The following RABGAP1L variants were observed in gnomAD, a reference collection of about 807,000 sequenced individuals.
The protein encoded by RABGAP1L is rab GTPase-activating protein 1-like.
RABGAP1L carries 63 observed loss-of-function variants against 137.7 expected under a neutral mutation model. The observed-to-expected ratio is 0.46, with a 90% CI of 0.37 to 0.56. The LOEUF (loss-of-function observed/expected upper bound fraction) is 0.56. Among genes scored for constraint, RABGAP1L ranks in the 20% least tolerant of loss-of-function variants. The pLI, the probability that RABGAP1L is intolerant of heterozygous loss-of-function variation, is 0.00. For missense variants in RABGAP1L, 1,095 were observed against 1,244.0 expected, an observed-to-expected ratio of 0.88 and a Z score of 1.80; for synonymous variants, 431 against 433.7, an observed-to-expected ratio of 0.99 and a Z score of 0.08.
At chr1:174,171,133 A>G (rs1665350067) in intron 1 of RABGAP1L, among the ~76,000 whole-genome samples, 1 of 152,212 alleles carries the variant, frequency 6.6e-6, no homozygotes, top group Admixed American at 6.5e-5. Context: ...TGAGGAGTAT[A>G]TGTAAATAAC....
chr1:174,518,287 A>C (rs182738497), intron 13 of RABGAP1L, among the ~76,000 whole-genome samples: 2 of 152,084 alleles, frequency 1.3e-5, no homozygotes, highest in African/African-American at 4.8e-5. Context: ...CTCCCTCAGT[A>C]TCTAGGGGGG....
At chr1:174,510,364 C>T (rs1662220765) in intron 13 of RABGAP1L, among the ~76,000 whole-genome samples, 2 of 152,104 alleles carry the variant, frequency 1.3e-5, no homozygotes, top group South Asian at 2.1e-4. Flanking sequence ...TCACACGTAG[C>T]AGGTACTCAG....
intron 11 of RABGAP1L, among the ~76,000 whole-genome samples, chr1:174,320,772 G>A (rs74703305): frequency 0.035 from 5,269 of 152,212 alleles, 121 homozygotes; most frequent in Middle Eastern, 0.088. Context: ...ATCTTCGTAA[G>A]CTGAGGGTGT....
chr1:174,272,725 T>A lies in RABGAP1L; in HGVS notation c.1053+245T>A, dbSNP rs114638633. Reference sequence around the variant, plus strand: ...TGTGTTATGATAATGTCCATTTATTTTTTTGGCTTCTTAGAAAGATATCTT... The same window carrying A: ...TGTGTTATGATAATGTCCATTTATTATTTTGGCTTCTTAGAAAGATATCTT... On this transcript the variant is annotated intron_variant, in intron 8 of 25. Transcript: ENST00000681986. 6.9e-3 allele frequency among the ~76,000 whole-genome samples: 1,055 copies of A among 152,108 alleles called. 9 individuals carry two copies. The highest frequency in any genetic ancestry group is 0.012 in the Non-Finnish European group (799 of 67,868).
At chr1:174,180,336 G>A (rs1304115997) in intron 1 of RABGAP1L, among the ~76,000 whole-genome samples, 2 of 152,194 alleles carry the variant, frequency 1.3e-5, no homozygotes, top group South Asian at 2.1e-4. Flanking sequence ...CGCTTTATAT[G>A]TTCTTGAGGT....
At chr1:174,661,050 G>C (rs1676336976) in intron 14 of RABGAP1L, among the ~76,000 whole-genome samples, 1 of 152,178 alleles carries the variant, frequency 6.6e-6, no homozygotes. Flanking sequence ...CTCAGGGAAA[G>C]AAATGAAAGT....
intron 13 of RABGAP1L, among the ~76,000 whole-genome samples, chr1:174,490,824 G>A (rs1482329523): frequency 6.6e-6 from 1 of 151,996 alleles, no homozygotes; most frequent in Non-Finnish European, 1.5e-5. Context: ...TCCACAAGCA[G>A]AGGAGCCTCA....
At chr1:174,366,447 T>C (rs924911383) in intron 11 of RABGAP1L, among the ~76,000 whole-genome samples, 1 of 152,140 alleles carries the variant, frequency 6.6e-6, no homozygotes, top group African/African-American at 2.4e-5. Flanking sequence ...AAACTGAGAC[T>C]AATTCCTGCA....
At chr1:174,270,179 C>T (rs892050730) in intron 7 of RABGAP1L, among the ~76,000 whole-genome samples, 2 of 148,970 alleles carry the variant, frequency 1.3e-5, no homozygotes, top group Non-Finnish European at 3.0e-5. Context: ...TAAGGTCATG[C>T]TGGTTGGTGG....
At chr1:174,283,696 G>A (rs765266127) in intron 10 of RABGAP1L, among the ~76,000 whole-genome samples, 4 of 152,056 alleles carry the variant, frequency 2.6e-5, no homozygotes, top group Admixed American at 2.0e-4. Flanking sequence ...TAGTAGAGAC[G>A]AGGTTTTGGC....
intron 18 of RABGAP1L, among the ~76,000 whole-genome samples, chr1:174,807,277 G>A (rs1323833212): frequency 1.3e-5 from 2 of 152,004 alleles, no homozygotes; most frequent in Non-Finnish European, 2.9e-5. Context: ...CCATGAATAT[G>A]TAATCAAGAA....
At chr1:174,486,956 A>G (rs1390031677) in intron 13 of RABGAP1L, among the ~76,000 whole-genome samples, 2 of 152,072 alleles carry the variant, frequency 1.3e-5, no homozygotes, top group African/African-American at 2.4e-5. Flanking sequence ...CCTTGTTACT[A>G]ATTTCTAGTT....
intron 19 of RABGAP1L, among the ~76,000 whole-genome samples, chr1:174,908,198 G>A (rs1218323478): frequency 1.3e-4 from 20 of 152,190 alleles, no homozygotes; most frequent in Non-Finnish European, 1.5e-5. Flanking sequence ...CTGCAATACA[G>A]TAATAGTAGG....
intron 3 of RABGAP1L, among the ~76,000 whole-genome samples, chr1:174,228,799 A>G (rs749409666): frequency 6.6e-6 from 1 of 152,146 alleles, no homozygotes; most frequent in Non-Finnish European, 1.5e-5. Flanking sequence ...AATCCTGGTA[A>G]TGGCAGTCTG....
At chr1:174,655,225 A>G (rs935382798) in intron 14 of RABGAP1L, among the ~76,000 whole-genome samples, 3 of 152,202 alleles carry the variant, frequency 2.0e-5, no homozygotes, top group Non-Finnish European at 4.4e-5. Context: ...AGTTTTTACT[A>G]ATCATCCAAA....
chr1:174,307,005 T>C (rs1015629666), intron 11 of RABGAP1L, among the ~76,000 whole-genome samples: 9 of 152,334 alleles, frequency 5.9e-5, no homozygotes, highest in Admixed American at 5.9e-4. Context: ...TATTTTTAGC[T>C]AATATTTATT....
At chr1:174,346,564 A>C (rs1239979556) in intron 11 of RABGAP1L, among the ~76,000 whole-genome samples, 1 of 152,032 alleles carries the variant, frequency 6.6e-6, no homozygotes, top group Non-Finnish European at 1.5e-5. Flanking sequence ...AATTCTTCAA[A>C]TATCTGCAGT....
chr1:174,804,733 G>A (rs77934757), intron 18 of RABGAP1L, among the ~76,000 whole-genome samples: 19 of 152,318 alleles, frequency 1.2e-4, no homozygotes, highest in African/African-American at 4.6e-4. Flanking sequence ...TGAATCGAAG[G>A]AGGGTTGATT....
intron 1 of RABGAP1L, among the ~76,000 whole-genome samples, chr1:174,187,401 G>A (rs1038563830): frequency 6.6e-6 from 1 of 152,072 alleles, no homozygotes; most frequent in African/African-American, 2.4e-5. Flanking sequence ...TTAGAGCAGT[G>A]TCTGCTATGT....
Sources: gnomAD v4.1 joint callset for allele counts (sites outside exome capture counted in the v4.1 genomes callset) on GRCh38, gnomAD v4.1.1 for gene constraint, MANE v1.5 for transcripts, NCBI Gene and HGNC (gene_info 2026-07-23, HGNC 2026-07-21) for gene names.